N4BP2: variants seen among roughly 807,000 people sequenced by gnomAD.
N4BP2 encodes NEDD4 binding protein 2.
In N4BP2, 91 loss-of-function variants were observed where a neutral mutation model predicts 152.8. The ratio of observed to expected loss-of-function variants is 0.60; its 90% CI spans 0.50 to 0.71. The LOEUF is 0.71. Among genes scored for constraint, N4BP2 ranks in the 30% least tolerant of loss-of-function variants. The probability of loss-of-function intolerance (pLI) is 0.00; values close to 1 mark genes in which losing one functional copy is unlikely to be tolerated. For missense variants in N4BP2, 1,923 were observed against 2,059.1 expected (o/e 0.93, Z 1.28); for synonymous variants, 646 against 705.3 (o/e 0.92, Z 1.33).
intron 2 of N4BP2, among the ~76,000 whole-genome samples, chr4:40,075,438 G>A (rs1347260017): frequency 2.0e-5 from 3 of 151,948 alleles, no homozygotes; most frequent in Admixed American, 1.3e-4. Flanking sequence ...TCACTCTGTC[G>A]CCTAGGCTGG....
intron 3 of N4BP2, among the ~76,000 whole-genome samples, chr4:40,100,455 C>T (rs1715536652): frequency 6.7e-6 from 1 of 148,390 alleles, no homozygotes; most frequent in South Asian, 2.1e-4. Context: ...ACTAGAGGCT[C>T]ACTGTAGCCT....
chr4:40,068,708 A>G (rs1362403702), intron 1 of N4BP2, among the ~76,000 whole-genome samples: 1 of 152,174 alleles, frequency 6.6e-6, no homozygotes, highest in Non-Finnish European at 1.5e-5. Flanking sequence ...TGTGTTGATT[A>G]CTGTAGCTCT....
At chr4:40,115,101 A>T (rs1208844119) in intron 7 of N4BP2, among the ~76,000 whole-genome samples, 1 of 152,000 alleles carries the variant, frequency 6.6e-6, no homozygotes, top group African/African-American at 2.4e-5. Context: ...TTCTACCTTT[A>T]TTGCTTTCAA....
chr4:40,168,129 C>T, the N4BP2 span, among the ~76,000 whole-genome samples: 1 of 151,664 alleles, frequency 6.6e-6, no homozygotes, highest in Non-Finnish European at 1.5e-5. Context: ...TAAATTGTAA[C>T]TTGATCATAC....
At chr4:40,151,373 C>G (rs1721138944) in intron 16 of N4BP2, among the ~76,000 whole-genome samples, 1 of 152,004 alleles carries the variant, frequency 6.6e-6, no homozygotes, top group South Asian at 2.1e-4. Context: ...CCAGGTGCAA[C>G]CCATCCTCCT....
chr4:40,102,955 T>C lies in N4BP2; in HGVS notation c.1110T>C (p.Phe370=). The change falls in exon 4 of 18, where the codon TTT becomes TTC. Residue 370 remains phenylalanine (F), a synonymous_variant. Coordinates refer to ENST00000261435, the MANE Select transcript of N4BP2 (RefSeq NM_018177.6). ...PPMWNPMIPA[F]DLFQGNHGFV... ...TGTGGAATCCAATGATTCCTGCTTT[T>C]GACCTCTTCCAAGGAAACCATGGCT... is the stretch of plus-strand genomic sequence containing the variant. The C allele has an allele frequency of 1.2e-6, 2 of 1,614,224 alleles. No homozygotes were observed. Among genetic ancestry groups the C allele is most frequent in the African/African-American group, 2.7e-5 (2 of 75,042 alleles).
At chr4:40,151,811 A>G (rs1038506550) in intron 16 of N4BP2, among the ~76,000 whole-genome samples, 1 of 152,222 alleles carries the variant, frequency 6.6e-6, no homozygotes, top group Admixed American at 6.6e-5. Flanking sequence ...TAGAAATGCA[A>G]GAGCAACATA....
Position 40,154,498 on chromosome 4 carries a change from TA to T in N4BP2, c.*264del. On this transcript the variant is annotated 3_prime_UTR_variant, in exon 18 of 18. Transcript: ENST00000261435. ...GTAAGAAAATTATCAGCTACAGTTT[TA>T]AAGTTTAAAATGCTCTGATTGTTTC... is the stretch of plus-strand genomic sequence containing the variant. 2.8e-6 allele frequency: 1 copy of T among 354,720 alleles called. No individual in the cohort carries two copies. Among genetic ancestry groups the T allele is most frequent in the Non-Finnish European group, 5.1e-6 (1 of 197,550 alleles). The allele number at this position is 354,720 out of a possible 1,614,324, so 22.0% of individuals were successfully genotyped here.
chr4:40,185,965 A>AT, the N4BP2 span, among the ~76,000 whole-genome samples: 8 of 152,318 alleles, frequency 5.3e-5, no homozygotes, highest in East Asian at 1.5e-3. Context: ...CAGACACTGA[A>AT]TTAATTACCC....
intron 4 of N4BP2, 23 bp downstream of exon 4, chr4:40,103,241 T>A (rs1408859905): frequency 6.4e-7 from 1 of 1,555,570 alleles, no homozygotes; most frequent in Non-Finnish European, 8.7e-7. Flanking sequence ...ATTGGGTTTT[T>A]AAAAAATAGT....
chr4:40,137,144 T>G, intron 14 of N4BP2, 62 bp downstream of exon 14: 1 of 1,292,552 alleles, frequency 7.7e-7, no homozygotes, highest in Non-Finnish European at 1.1e-6. Flanking sequence ...ATATAATTGG[T>G]TCATTGAGTA....
chr4:40,146,113 A>G (rs887153944), intron 16 of N4BP2, among the ~76,000 whole-genome samples: 3 of 152,126 alleles, frequency 2.0e-5, no homozygotes, highest in African/African-American at 7.2e-5. Flanking sequence ...CAGTGAGCCA[A>G]GATCACGCCA....
At chr4:40,148,816 T>C (rs2110046581) in intron 16 of N4BP2, among the ~76,000 whole-genome samples, 1 of 152,306 alleles carries the variant, frequency 6.6e-6, no homozygotes, top group South Asian at 2.1e-4. Flanking sequence ...GTCCCCTTTT[T>C]ATTGTTGAAT....
At position 40,148,320 on chromosome 4, in the gene N4BP2, G is replaced by A. The variant is rs149511105; in HGVS notation, c.5143+3520G>A. Reference sequence around the variant, plus strand: ...AAGAAAACCAGTCACGCATGGCGGCGCGCGCCTGCAATCGCAGGCACTGGG... The same window carrying A: ...AAGAAAACCAGTCACGCATGGCGGCACGCGCCTGCAATCGCAGGCACTGGG... On this transcript the variant is annotated intron_variant, in intron 16 of 17. Transcript: ENST00000261435. Among the ~76,000 whole-genome samples, 1,184 of 152,332 alleles carry A rather than the reference G, an allele frequency of 7.8e-3. 15 individuals are homozygous for A. Among genetic ancestry groups the A allele is most frequent in the African/African-American group, 0.028 (1,145 of 41,580 alleles).
At chr4:40,125,780 C>T (rs760104347) in intron 11 of N4BP2, among the ~76,000 whole-genome samples, 26 of 150,868 alleles carry the variant, frequency 1.7e-4, no homozygotes, top group Non-Finnish European at 2.8e-4. Flanking sequence ...CCAGCTACTT[C>T]GGAGGCTGAG....
intron 1 of N4BP2, among the ~76,000 whole-genome samples, chr4:40,070,682 CTCAAGTGATCCT>C (rs1712066969): frequency 6.6e-6 from 1 of 151,730 alleles, no homozygotes; most frequent in Non-Finnish European, 1.5e-5. Context: ...AACTTGTAGT[CTCAAGTGATCCT>C]CCTGCCTTGG....
rs527422872 is a variant in N4BP2, at chr4:40,061,578, TG to T, written c.-212+4550del. Among the ~76,000 whole-genome samples, 217 of 152,002 alleles carry T rather than the reference TG, an allele frequency of 1.4e-3. 1 individual carries two copies. Among genetic ancestry groups the T allele is most frequent in the African/African-American group, 4.9e-3 (202 of 41,468 alleles). On this transcript the variant is annotated intron_variant, in intron 1 of 17. Transcript: ENST00000261435. ...TGGGGTCTCACCATGTTGGCCAGGC[TG>T]GTCTCAAACTCCTAACCTCAGGTGA...
At chr4:40,065,211 A>T (rs1733953388) in intron 1 of N4BP2, among the ~76,000 whole-genome samples, 1 of 152,222 alleles carries the variant, frequency 6.6e-6, no homozygotes, top group Admixed American at 6.5e-5. Flanking sequence ...ATCACGTCAT[A>T]GAAGTCCTTG....
At chr4:40,113,609 T>C (rs1483724111) in intron 7 of N4BP2, 101 bp downstream of exon 7, 6 of 801,836 alleles carry the variant, frequency 7.5e-6, no homozygotes, top group East Asian at 2.5e-5. Context: ...ATTGATTAGA[T>C]TGTAACTTAA....
Sources: gnomAD v4.1 joint callset for allele counts (sites outside exome capture counted in the v4.1 genomes callset) on GRCh38, gnomAD v4.1.1 for gene constraint, MANE v1.5 for transcripts, NCBI Gene and HGNC (gene_info 2026-07-23, HGNC 2026-07-21) for gene names.